The following SHISA6 variants were observed in gnomAD, a reference collection of about 807,000 sequenced individuals.
SHISA6 encodes shisa family member 6, also known as protein shisa-6.
SHISA6 carries 22 observed loss-of-function variants against 47.9 expected under a neutral mutation model. The observed-to-expected ratio is 0.46, with a 90% CI of 0.33 to 0.66. The LOEUF (loss-of-function observed/expected upper bound fraction) is 0.66. Among genes scored for constraint, SHISA6 ranks in the 30% least tolerant of loss-of-function variants. The pLI is 0.02. For synonymous variants in SHISA6, 388 were observed against 337.8 expected, an observed-to-expected ratio of 1.15 and a Z score of -1.63; for missense variants, 680 against 764.6, an observed-to-expected ratio of 0.89 and a Z score of 1.30.
At chr17:11,369,006 A>C (rs887589701) in intron 2 of SHISA6, among the ~76,000 whole-genome samples, 2 of 152,318 alleles carry the variant, frequency 1.3e-5, no homozygotes, top group African/African-American at 4.8e-5. Flanking sequence ...GCGAGGCACC[A>C]TTCCCATTTT....
At chr17:11,403,229 G>T (rs1205987145) in intron 3 of SHISA6, among the ~76,000 whole-genome samples, 2 of 152,196 alleles carry the variant, frequency 1.3e-5, no homozygotes, top group Non-Finnish European at 2.9e-5. Context: ...TTTTTAGGGA[G>T]TAATTGCTCT....
intron 2 of SHISA6, among the ~76,000 whole-genome samples, chr17:11,282,083 C>A (rs530519208): frequency 6.6e-6 from 1 of 152,214 alleles, no homozygotes; most frequent in Non-Finnish European, 1.5e-5. Flanking sequence ...GCCAAATTAT[C>A]TTTACAAAAC....
intron 2 of SHISA6, among the ~76,000 whole-genome samples, chr17:11,296,452 T>C (rs1284007600): frequency 6.6e-6 from 1 of 152,066 alleles, no homozygotes. Context: ...GTGGGGATTG[T>C]ATGGATTAGA....
chr17:11,423,880 C>T (rs1438936325), intron 3 of SHISA6, among the ~76,000 whole-genome samples: 3 of 151,638 alleles, frequency 2.0e-5, no homozygotes, highest in Non-Finnish European at 4.4e-5. Context: ...CCAAATACAA[C>T]ATCTAGACAT....
chr17:11,370,973 A>G (rs555997379), intron 2 of SHISA6, among the ~76,000 whole-genome samples: 14 of 152,266 alleles, frequency 9.2e-5, no homozygotes, highest in African/African-American at 3.4e-4. Flanking sequence ...ACCAGAGAGG[A>G]GATCTTTGGG....
chr17:11,332,551 G>C (rs118025757), intron 2 of SHISA6, among the ~76,000 whole-genome samples: 342 of 152,256 alleles, frequency 2.2e-3, no homozygotes, highest in Non-Finnish European at 3.9e-3. Context: ...CCATGATACG[G>C]GAAGGACGTG....
intron 2 of SHISA6, among the ~76,000 whole-genome samples, chr17:11,283,723 G>A (rs1909201903): frequency 6.6e-6 from 1 of 152,186 alleles, no homozygotes; most frequent in East Asian, 1.9e-4. Context: ...TTGGAACAGG[G>A]AAGAAGCATA....
At chr17:11,534,024 C>T (rs1033413794) in intron 3 of SHISA6, among the ~76,000 whole-genome samples, 25 of 151,902 alleles carry the variant, frequency 1.6e-4, no homozygotes, top group Admixed American at 1.4e-3. Context: ...GTTGCCCTGG[C>T]TGGAGTGCAA....
intron 3 of SHISA6, among the ~76,000 whole-genome samples, chr17:11,435,453 A>G (rs779797933): frequency 6.6e-6 from 1 of 152,100 alleles, no homozygotes; most frequent in Non-Finnish European, 1.5e-5. Context: ...TAGAAATGAC[A>G]ATGCAAATAG....
At chr17:11,269,511 G>A (rs9903881) in intron 2 of SHISA6, among the ~76,000 whole-genome samples, 7,090 of 152,218 alleles carry the variant, frequency 0.047, 508 homozygotes, top group African/African-American at 0.16. Context: ...AAGAAAGCAC[G>A]GGTGGCTTGG....
intron 2 of SHISA6, among the ~76,000 whole-genome samples, chr17:11,310,727 C>T (rs1223142569): frequency 6.6e-5 from 10 of 152,154 alleles, no homozygotes; most frequent in Non-Finnish European, 1.5e-4. Context: ...ATAATCCCAG[C>T]ACTTTGGGAG....
intron 2 of SHISA6, among the ~76,000 whole-genome samples, chr17:11,350,188 T>TATTTA (rs1224491762): frequency 7.2e-6 from 1 of 138,254 alleles, no homozygotes. Context: ...ATTTATTTTT[T>TATTTA]TTTTTTTTTG....
intron 3 of SHISA6, among the ~76,000 whole-genome samples, chr17:11,436,788 A>G (rs1914955632): frequency 6.6e-6 from 1 of 152,238 alleles, no homozygotes; most frequent in Non-Finnish European, 1.5e-5. Context: ...TTAGTAAAGC[A>G]TTCTATTTTA....
intron 3 of SHISA6, among the ~76,000 whole-genome samples, chr17:11,495,017 A>C (rs1404940933): frequency 6.6e-6 from 1 of 152,168 alleles, no homozygotes; most frequent in Admixed American, 6.5e-5. Context: ...ACATCCGCCC[A>C]GTCATGTGGG....
At chr17:11,280,272 A>T (rs2142160334) in intron 2 of SHISA6, among the ~76,000 whole-genome samples, 1 of 152,368 alleles carries the variant, frequency 6.6e-6, no homozygotes, top group African/African-American at 2.4e-5. Context: ...CAAATGCAAC[A>T]AATGATGGGA....
intron 3 of SHISA6, among the ~76,000 whole-genome samples, chr17:11,408,492 A>T (rs1567597960): frequency 6.6e-6 from 1 of 152,214 alleles, no homozygotes; most frequent in East Asian, 1.9e-4. Flanking sequence ...TTTAATCAAA[A>T]CATGCTTCCT....
intron 2 of SHISA6, among the ~76,000 whole-genome samples, chr17:11,281,411 A>G (rs1390231944): frequency 1.3e-5 from 2 of 152,184 alleles, no homozygotes; most frequent in Non-Finnish European, 2.9e-5. Context: ...TGAGATGATG[A>G]TACAGTTTTT....
chr17:11,483,640 A>G (rs991955336), intron 3 of SHISA6, among the ~76,000 whole-genome samples: 19 of 152,144 alleles, frequency 1.2e-4, no homozygotes, highest in African/African-American at 4.6e-4. Context: ...ATAATCCATG[A>G]TGAAAATCTA....
intron 3 of SHISA6, among the ~76,000 whole-genome samples, chr17:11,517,558 A>C (rs1031110485): frequency 6.6e-6 from 1 of 152,168 alleles, no homozygotes; most frequent in African/African-American, 2.4e-5. Flanking sequence ...GCTGGAGTGC[A>C]GTGGTACAGT....
Sources: gnomAD v4.1 joint callset for allele counts (sites outside exome capture counted in the v4.1 genomes callset) on GRCh38, gnomAD v4.1.1 for gene constraint, MANE v1.5 for transcripts, NCBI Gene and HGNC (gene_info 2026-07-23, HGNC 2026-07-21) for gene names.